The following ABCA3 variants were observed in gnomAD, a reference collection of about 807,000 sequenced individuals.
ABCA3 encodes ATP binding cassette subfamily A member 3.
Under a neutral mutation model 172.8 loss-of-function variants are expected in ABCA3, and 88 were observed. The ratio of observed to expected loss-of-function variants is 0.51; its 90% CI spans 0.43 to 0.61. The LOEUF is 0.61. Among genes scored for constraint, ABCA3 ranks in the 20% least tolerant of loss-of-function variants. The probability of loss-of-function intolerance (pLI) is 0.00; values close to 1 mark genes in which losing one functional copy is unlikely to be tolerated. For missense variants in ABCA3, 2,164 were observed against 2,301.0 expected (o/e 0.94, Z 1.22); for synonymous variants, 1,066 against 983.8 (o/e 1.08, Z -1.56).
At chr16:2,330,157 G>A (rs1425793682) in intron 1 of ABCA3, among the ~76,000 whole-genome samples, 1 of 151,688 alleles carries the variant, frequency 6.6e-6, no homozygotes, top group Admixed American at 6.6e-5. Flanking sequence ...TTAGCCAGGT[G>A]TGGTGACGTG....
At chr16:2,319,261 G>A (rs1051058823) in intron 8 of ABCA3, among the ~76,000 whole-genome samples, 4 of 152,146 alleles carry the variant, frequency 2.6e-5, no homozygotes, top group African/African-American at 9.6e-5. Flanking sequence ...CGAGGCGGGC[G>A]GATCACAAGG....
Position 2,328,550 on chromosome 16 carries a change from G to T in ABCA3, c.-124C>A, listed in dbSNP as rs752906697. 1 of 515,906 alleles carries T rather than the reference G, an allele frequency of 1.9e-6. No homozygotes were observed. Among genetic ancestry groups the T allele is most frequent in the Non-Finnish European group, 3.9e-6 (1 of 258,718 alleles). The allele number at this position is 515,906 out of a possible 1,614,324, so 32.0% of individuals were successfully genotyped here. A position where few individuals can be genotyped will look rare whatever the true frequency, so the allele number is the denominator to read the frequency against. The stretch of plus-strand genomic sequence containing the variant: ...TCTGAAAACTGAGTGTAAAGAGGGC[G>T]AGGTGTGCAGACGTGGCTGCTCTGT... On this transcript the variant is annotated 5_prime_UTR_variant, in exon 3 of 33. Coordinates refer to ENST00000301732, the MANE Select transcript of ABCA3 (RefSeq NM_001089.3).
At chr16:2,289,680 G>A in intron 19 of ABCA3, 60 bp from the exon 20 acceptor site, 1 of 1,528,792 alleles carries the variant, frequency 6.5e-7, no homozygotes, top group Non-Finnish European at 8.8e-7. Context: ...TGGAGGGAGG[G>A]ACTATGGTTA....
Position 2,329,655 on chromosome 16 carries a change from C to G in ABCA3, c.-339G>C, listed in dbSNP as rs2093739961. ...CAGTACCAGGGAACTCACCTGGGTCCCAGAAGAGGCTCCACACAGCAGGTC... is the reference window on the plus strand; with the variant it reads ...CAGTACCAGGGAACTCACCTGGGTCGCAGAAGAGGCTCCACACAGCAGGTC... On this transcript the variant is annotated 5_prime_UTR_variant, in exon 2 of 33. Coordinates refer to ENST00000301732, the MANE Select transcript of ABCA3 (RefSeq NM_001089.3). The G allele has an allele frequency of 6.6e-6, 1 of 152,554 alleles. No homozygotes were observed. Among genetic ancestry groups the G allele is most frequent in the Non-Finnish European group, 1.5e-5 (1 of 68,330 alleles). 9.5% of individuals were successfully genotyped at this position (152,554 alleles called of 1,614,324 possible). A position where few individuals can be genotyped will look rare whatever the true frequency, so the allele number is the denominator to read the frequency against.
At chr16:2,328,107 C>G (rs1320620052) in intron 3 of ABCA3, among the ~76,000 whole-genome samples, 1 of 150,136 alleles carries the variant, frequency 6.7e-6, no homozygotes, top group Non-Finnish European at 1.5e-5. Context: ...ATATTTAAAT[C>G]TGGCACATAT....
intron 5 of ABCA3, 138 bp downstream of exon 5, chr16:2,325,872 C>T (rs527724411): frequency 6.5e-5 from 77 of 1,183,510 alleles, no homozygotes; most frequent in East Asian, 5.1e-4. Flanking sequence ...AGTAGTGATG[C>T]GGGAAGAAGC....
At chr16:2,300,340 C>T (rs1255471475) in intron 12 of ABCA3, among the ~76,000 whole-genome samples, 192 bp from the exon 13 acceptor site, 1 of 151,876 alleles carries the variant, frequency 6.6e-6, no homozygotes, top group African/African-American at 2.4e-5. Context: ...GGCTCTAAGC[C>T]TCAGTTTCCT....
chr16:2,317,089 T>C (rs1341240476), intron 10 of ABCA3, among the ~76,000 whole-genome samples, 194 bp downstream of exon 10: 1 of 152,220 alleles, frequency 6.6e-6, no homozygotes, highest in Non-Finnish European at 1.5e-5. Context: ...GCCACACACC[T>C]GCCTTCTCTG....
In ABCA3 at chr16:2,279,883, A is replaced by C. The variant is rs1374251386; in HGVS notation, c.4360-753T>G. The stretch of plus-strand genomic sequence containing the variant: ...TGCCTCAGGCTCCCGAGTAGCTAGG[A>C]TTATAGGCACCTGCCACCATGCCCT... On this transcript the variant is annotated intron_variant, in intron 28 of 32. Coordinates refer to ENST00000301732, the MANE Select transcript of ABCA3 (RefSeq NM_001089.3). The surrounding 1 kb of genome is among the most constrained non-coding windows in gnomAD (Gnocchi z 4.4). Among the ~76,000 whole-genome samples, 1 of 151,866 alleles carries C rather than the reference A, an allele frequency of 6.6e-6. No individual in the cohort carries two copies.
chr16:2,328,211 A>T (rs1048655638), intron 3 of ABCA3, among the ~76,000 whole-genome samples: 12 of 152,334 alleles, frequency 7.9e-5, no homozygotes, highest in Non-Finnish European at 1.3e-4. Flanking sequence ...AATTTAGCTA[A>T]AATCTGTCTT....
chr16:2,278,869 C>T lies in ABCA3; in HGVS notation c.4547+74G>A. 6.3e-7 allele frequency: 1 copy of T among 1,598,684 alleles called. No individual in the cohort carries two copies. The highest frequency in any genetic ancestry group is 2.2e-5 in the East Asian group (1 of 44,788). On this transcript the variant is annotated intron_variant, in intron 29 of 32. Coordinates refer to ENST00000301732, the MANE Select transcript of ABCA3 (RefSeq NM_001089.3). This position sits in a 1 kb window ranked among gnomAD's most constrained non-coding sequence, Gnocchi z 4.4. ...AGCTCTGGCTGCTGACCTGAGCGGTCACTCCCAGCTCTATGCTATGGGGAC... is the reference window on the plus strand; with the variant it reads ...AGCTCTGGCTGCTGACCTGAGCGGTTACTCCCAGCTCTATGCTATGGGGAC...
At chr16:2,311,479 C>T (rs771309164) in intron 10 of ABCA3, among the ~76,000 whole-genome samples, 5 of 152,060 alleles carry the variant, frequency 3.3e-5, no homozygotes, top group African/African-American at 7.2e-5. Context: ...GAACTTTTTG[C>T]GCTCTGTTAC....
intron 10 of ABCA3, among the ~76,000 whole-genome samples, chr16:2,311,076 C>T (rs1170344135): frequency 6.6e-6 from 1 of 152,086 alleles, no homozygotes; most frequent in Admixed American, 6.6e-5. Flanking sequence ...TGGGTTCAAG[C>T]AATTCTCCTG....
At chr16:2,296,614 G>A (rs1380975204) in intron 17 of ABCA3, among the ~76,000 whole-genome samples, 3 of 152,246 alleles carry the variant, frequency 2.0e-5, no homozygotes, top group Non-Finnish European at 2.9e-5. Context: ...GGCAGGAAGT[G>A]GCTAGTGAAA....
Position 2,297,612 on chromosome 16 carries a change from C to T in ABCA3, c.2053-73G>A. On this transcript the variant is annotated intron_variant, in intron 16 of 32. Coordinates refer to ENST00000301732, the MANE Select transcript of ABCA3 (RefSeq NM_001089.3). The surrounding 1 kb of genome is among the most constrained non-coding windows in gnomAD (Gnocchi z 5.6). ...GGCCCAGGCTGGCCTTGCGGTAGGC[C>T]CCATCGAGGGGTTCGCGGAGCCGGC... 12 of 1,597,224 alleles carry T rather than the reference C, an allele frequency of 7.5e-6. No homozygotes were observed. Among genetic ancestry groups the T allele is most frequent in the Non-Finnish European group, 9.4e-6 (11 of 1,172,594 alleles).
chr16:2,286,614 C>T lies in ABCA3; in HGVS notation c.3278+80G>A. On this transcript the variant is annotated intron_variant, in intron 22 of 32. Transcript: ENST00000301732. The surrounding 1 kb of genome is among the most constrained non-coding windows in gnomAD (Gnocchi z 5.2). ...TGGGAGGGCAGACACAATGCTCTATCTATGGGCCCGTGGCAGTGCCCAGGG... is the reference window on the plus strand; with the variant it reads ...TGGGAGGGCAGACACAATGCTCTATTTATGGGCCCGTGGCAGTGCCCAGGG... 1.3e-6 allele frequency: 2 copies of T among 1,576,532 alleles called. No homozygotes were observed. The highest frequency in any genetic ancestry group is 1.1e-5 in the South Asian group (1 of 88,846).
chr16:2,296,567 C>A (rs536678826), intron 17 of ABCA3, among the ~76,000 whole-genome samples: 19 of 152,198 alleles, frequency 1.2e-4, no homozygotes, highest in South Asian at 1.2e-3. Context: ...GGATGCCAGG[C>A]CCAGGAAGAA....
chr16:2,298,821 G>A (rs978058480), intron 14 of ABCA3, among the ~76,000 whole-genome samples: 3 of 152,170 alleles, frequency 2.0e-5, no homozygotes, highest in African/African-American at 7.2e-5. Context: ...CCCGCCCCGG[G>A]TCCCAGCCTG....
chr16:2,325,822 G>A lies in ABCA3; in HGVS notation c.319+188C>T, dbSNP rs545328800. On this transcript the variant is annotated intron_variant, in intron 5 of 32. Transcript: ENST00000301732. ...AGAGACTGCTATTTACTCGCAGGCA[G>A]GCAGAGGTTTAAGGAACAGCAGTGC... 3.3e-5 allele frequency among the ~76,000 whole-genome samples: 5 copies of A among 152,330 alleles called. No homozygotes were observed. The South Asian group carries it at 8.3e-4, about 25-fold the overall frequency.
Sources: allele counts gnomAD v4.1 joint callset (sites outside exome capture counted in the v4.1 genomes callset), GRCh38; gene constraint gnomAD v4.1.1; non-coding constraint Gnocchi (gnomAD v3.1); transcripts MANE v1.5; gene names NCBI Gene and HGNC (gene_info 2026-07-23, HGNC 2026-07-21).